Variants in RASA1 observed in about 807,000 individuals in gnomAD.
The protein encoded by RASA1 is ras GTPase-activating protein 1.
Under a neutral mutation model 132.2 loss-of-function variants are expected in RASA1, and 25 were observed. The ratio of observed to expected loss-of-function variants is 0.19; its 90% CI spans 0.14 to 0.26. The LOEUF (loss-of-function observed/expected upper bound fraction) is 0.26, where lower values mean the gene tolerates loss of function less well. Among genes scored for constraint, RASA1 ranks in the 10% least tolerant of loss-of-function variants. The probability of loss-of-function intolerance (pLI) is 1.00; values close to 1 mark genes in which losing one functional copy is unlikely to be tolerated. For missense variants in RASA1, 964 were observed against 1,299.2 expected, an observed-to-expected ratio of 0.74 and a Z score of 3.97; for synonymous variants, 477 against 449.9, an observed-to-expected ratio of 1.06 and a Z score of -0.76.
chr5:87,361,819 T>C (rs1203380398), intron 9 of RASA1, among the ~76,000 whole-genome samples: 1 of 152,098 alleles, frequency 6.6e-6, no homozygotes, highest in African/African-American at 2.4e-5. Context: ...AAGAACCTAA[T>C]ATAAATATGT....
chr5:87,364,385 GA>G (rs960218113), intron 11 of RASA1, among the ~76,000 whole-genome samples: 1 of 152,074 alleles, frequency 6.6e-6, no homozygotes, highest in Admixed American at 6.6e-5. Flanking sequence ...ATAGGTTTGG[GA>G]AATGCTGATT....
chr5:87,308,406 A>G (rs1580224998), intron 1 of RASA1, among the ~76,000 whole-genome samples: 1 of 152,134 alleles, frequency 6.6e-6, no homozygotes, highest in African/African-American at 2.4e-5. Context: ...TGATTTAAAC[A>G]GACTGATCTT....
rs1758955042 is a variant in RASA1 at position 87,347,607 on chromosome 5, C to A, written c.1102+883C>A. ...AGAGGTAATCTGAATTGTTTTAATC[C>A]ATAAAGCACTGCATTTTAAATTAAT... On this transcript the variant is annotated intron_variant, in intron 7 of 24. Coordinates refer to ENST00000274376, the MANE Select transcript of RASA1 (RefSeq NM_002890.3). 2.6e-5 allele frequency among the ~76,000 whole-genome samples: 4 copies of A among 151,942 alleles called. No homozygotes were observed. In the South Asian group the frequency reaches 8.3e-4, roughly 31 times the overall value.
chr5:87,369,674 G>C, intron 11 of RASA1, 139 bp from the exon 12 acceptor site: 1 of 619,828 alleles, frequency 1.6e-6, no homozygotes. Context: ...TTTTAGTAAT[G>C]ATCTGGTACA....
chr5:87,280,487 A>G (rs1389997250), intron 1 of RASA1, among the ~76,000 whole-genome samples: 1 of 141,018 alleles, frequency 7.1e-6, no homozygotes, highest in African/African-American at 2.6e-5. Context: ...TAATTCTTGT[A>G]TTTTTAGTAG....
intron 19 of RASA1, 46 bp from the exon 20 acceptor site, chr5:87,380,463 G>GT (rs1440391475): frequency 1.3e-6 from 2 of 1,514,566 alleles, no homozygotes; most frequent in Admixed American, 1.7e-5. Flanking sequence ...GGAGATCAGT[G>GT]TTTTCACTTG....
At chr5:87,274,670 T>C (rs935380822) in intron 1 of RASA1, among the ~76,000 whole-genome samples, 4 of 152,106 alleles carry the variant, frequency 2.6e-5, no homozygotes, top group African/African-American at 9.7e-5. Flanking sequence ...AAGATAAATA[T>C]CACGAGTGAA....
Position 87,391,116 on chromosome 5 carries a change from A to C in RASA1, c.*233A>C. ...TTTCCACATGGAATCAATCTTTAAC[A>C]ACCTCTGAGCCTTGGTGTACAGACC... On this transcript the variant is annotated 3_prime_UTR_variant, in exon 25 of 25. Coordinates refer to ENST00000274376, the MANE Select transcript of RASA1 (RefSeq NM_002890.3). 1.6e-6 allele frequency: 1 copy of C among 614,736 alleles called. No homozygotes were observed. The highest frequency in any genetic ancestry group is 2.9e-6 in the Non-Finnish European group (1 of 342,986). The allele number at this position is 614,736 out of a possible 1,614,324, so 38.1% of individuals were successfully genotyped here.
intron 14 of RASA1, 38 bp downstream of exon 14, chr5:87,374,358 T>C: frequency 6.4e-7 from 1 of 1,567,238 alleles, no homozygotes; most frequent in Non-Finnish European, 8.7e-7. Flanking sequence ...TCATTTTCTT[T>C]TACCATATTG....
chr5:87,377,197 T>C, intron 17 of RASA1, 157 bp downstream of exon 17: 1 of 938,598 alleles, frequency 1.1e-6, no homozygotes, highest in South Asian at 1.5e-5. Context: ...TGGATGTCAG[T>C]TCTGATTATG....
rs189808477 is a variant in RASA1, at chr5:87,303,315, G to T, written c.540-28033G>T. On this transcript the variant is annotated intron_variant, in intron 1 of 24. Transcript: ENST00000274376. The stretch of plus-strand genomic sequence containing the variant: ...TTCATTTTTTTTCCTGAAGTCTTAC[G>T]TTGTACCTTTGCTTTTGATTTCATT... Among the ~76,000 whole-genome samples the T allele has an allele frequency of 1.0e-4, 15 of 150,658 alleles. No individual in the cohort carries two copies. The East Asian group carries it at 2.9e-3, about 29-fold the overall frequency.
chr5:87,379,713 A>AT, intron 18 of RASA1, 22 bp from the exon 19 acceptor site: 2 of 1,609,686 alleles, frequency 1.2e-6, no homozygotes, highest in Non-Finnish European at 1.7e-6. Context: ...ATGCATTTAT[A>AT]TTGATTTATT....
chr5:87,371,934 GTTA>G (rs1760974502), intron 12 of RASA1, among the ~76,000 whole-genome samples, 181 bp from the exon 13 acceptor site: 3 of 151,102 alleles, frequency 2.0e-5, no homozygotes, highest in South Asian at 2.1e-4. Flanking sequence ...TTTTATTATT[GTTA>G]TTGTTATGTT....
At chr5:87,378,564 A>G in intron 18 of RASA1, 26 bp downstream of exon 18, 1 of 1,576,306 alleles carries the variant, frequency 6.3e-7, no homozygotes, top group Non-Finnish European at 8.7e-7. Context: ...TTTAATAAGT[A>G]TTTTTGCAAA....
At chr5:87,306,322 A>G (rs944720674) in intron 1 of RASA1, among the ~76,000 whole-genome samples, 6 of 152,238 alleles carry the variant, frequency 3.9e-5, no homozygotes, top group Non-Finnish European at 7.3e-5. Flanking sequence ...TTGCGGGGAC[A>G]TGGATGAAGG....
chr5:87,337,586 C>G (rs1442718440), intron 4 of RASA1, among the ~76,000 whole-genome samples: 2 of 152,068 alleles, frequency 1.3e-5, no homozygotes, highest in Admixed American at 6.5e-5. Context: ...ATCTACCCTA[C>G]ATCTGAAAGA....
intron 1 of RASA1, among the ~76,000 whole-genome samples, chr5:87,292,562 C>G (rs770838643): frequency 2.6e-5 from 4 of 152,098 alleles, no homozygotes; most frequent in African/African-American, 9.7e-5. Flanking sequence ...ATCTTGGTTA[C>G]TATAGCATTA....
At chr5:87,333,879 T>G (rs955818519) in intron 4 of RASA1, among the ~76,000 whole-genome samples, 5 of 152,196 alleles carry the variant, frequency 3.3e-5, no homozygotes, top group Non-Finnish European at 5.9e-5. Context: ...TGACACATTT[T>G]TATTTGTAAT....
At chr5:87,291,968 T>A (rs1276679931) in intron 1 of RASA1, among the ~76,000 whole-genome samples, 1 of 152,244 alleles carries the variant, frequency 6.6e-6, no homozygotes, top group Non-Finnish European at 1.5e-5. Flanking sequence ...CATCTTTATA[T>A]CTTCTTTGGT....
Sources: gnomAD v4.1 joint callset for allele counts (sites outside exome capture counted in the v4.1 genomes callset) on GRCh38, gnomAD v4.1.1 for gene constraint, MANE v1.5 for transcripts, NCBI Gene and HGNC (gene_info 2026-07-23, HGNC 2026-07-21) for gene names.